The following SCMH1 variants were observed in gnomAD, a reference collection of about 807,000 sequenced individuals.
The protein encoded by SCMH1 is polycomb protein SCMH1.
In SCMH1, 37 loss-of-function variants were observed where a neutral mutation model predicts 70.8. The ratio of observed to expected loss-of-function variants is 0.52; its 90% CI spans 0.40 to 0.69. The LOEUF is 0.69. SCMH1 is among the 30% of genes least tolerant of loss of function. The pLI is 0.00. For synonymous variants in SCMH1, 292 were observed against 307.4 expected (o/e 0.95, Z 0.52); for missense variants, 607 against 827.3 (o/e 0.73, Z 3.27).
intron 2 of SCMH1, among the ~76,000 whole-genome samples, chr1:41,177,881 C>T (rs1366093819): frequency 6.6e-6 from 1 of 152,152 alleles, no homozygotes; most frequent in East Asian, 1.9e-4. Flanking sequence ...TCAGGAAATA[C>T]AGAGAATGCC....
chr1:41,196,773 T>C (rs1653116797), intron 1 of SCMH1, among the ~76,000 whole-genome samples: 5 of 152,140 alleles, frequency 3.3e-5, no homozygotes, highest in Admixed American at 2.6e-4. Flanking sequence ...GTCCACAGAA[T>C]CGGAGACAAT....
chr1:41,059,648 G>A (rs903334770), intron 10 of SCMH1, among the ~76,000 whole-genome samples: 8 of 152,200 alleles, frequency 5.3e-5, no homozygotes, highest in Admixed American at 2.6e-4. Context: ...AGGGCACTGA[G>A]CTGGTTTACA....
intron 5 of SCMH1, among the ~76,000 whole-genome samples, chr1:41,143,606 A>C (rs1448797971): frequency 1.3e-5 from 2 of 152,164 alleles, no homozygotes; most frequent in Non-Finnish European, 2.9e-5. Context: ...TAAACTATAC[A>C]CTTTAGTAAG....
chr1:41,241,342 T>C (rs1663480181), intron 1 of SCMH1, among the ~76,000 whole-genome samples: 1 of 152,244 alleles, frequency 6.6e-6, no homozygotes, highest in South Asian at 2.1e-4. Flanking sequence ...CCCACGTGTC[T>C]GGCCCCCAGG....
intron 1 of SCMH1, among the ~76,000 whole-genome samples, chr1:41,186,810 A>G (rs1249445676): frequency 6.6e-6 from 1 of 152,226 alleles, no homozygotes; most frequent in East Asian, 1.9e-4. Flanking sequence ...GGTGTCATCT[A>G]TAAGCTAAGG....
chr1:41,188,364 A>C (rs1650815574), intron 1 of SCMH1, among the ~76,000 whole-genome samples: 2 of 152,168 alleles, frequency 1.3e-5, no homozygotes, highest in Admixed American at 6.5e-5. Context: ...TCCTGACCTC[A>C]AGAATCTGCC....
intron 8 of SCMH1, among the ~76,000 whole-genome samples, chr1:41,081,463 C>T (rs1053720540): frequency 6.6e-6 from 1 of 152,182 alleles, no homozygotes; most frequent in African/African-American, 2.4e-5. Flanking sequence ...TGAATAACAG[C>T]AAAGCTGGAG....
chr1:41,145,226 A>T (rs916572031), intron 5 of SCMH1, among the ~76,000 whole-genome samples: 13 of 152,096 alleles, frequency 8.5e-5, no homozygotes, highest in Non-Finnish European at 1.5e-5. Context: ...TAGGTCCATG[A>T]TCCACTTGAA....
chr1:41,147,891 T>G (rs1644726802), intron 5 of SCMH1, among the ~76,000 whole-genome samples: 1 of 152,158 alleles, frequency 6.6e-6, no homozygotes, highest in Non-Finnish European at 1.5e-5. Context: ...TTTCCAATCA[T>G]AGCAAGCTCG....
intron 8 of SCMH1, among the ~76,000 whole-genome samples, chr1:41,106,815 G>A (rs1668050446): frequency 1.3e-5 from 2 of 151,604 alleles, no homozygotes; most frequent in Admixed American, 6.6e-5. Context: ...TCAGCCTCCC[G>A]AGTAGCAGGG....
chr1:41,201,888 C>A lies in SCMH1; in HGVS notation c.-117-15638G>T, dbSNP rs972730681. Among the ~76,000 whole-genome samples, 8 of 152,244 alleles carry A rather than the reference C, an allele frequency of 5.3e-5. No individual in the cohort carries two copies. The East Asian group carries it at 5.8e-4, about 11-fold the overall frequency. ...AATAGTGCTCAGTATTTACTAGGAA[C>A]CTTCTTCATGCCAACTCCTGAGAAT... On this transcript the variant is annotated intron_variant, in intron 1 of 14. Coordinates refer to ENST00000337495, the Ensembl canonical transcript of SCMH1.
intron 8 of SCMH1, among the ~76,000 whole-genome samples, chr1:41,095,804 T>G (rs1185104519): frequency 6.6e-6 from 1 of 152,204 alleles, no homozygotes; most frequent in Non-Finnish European, 1.5e-5. Flanking sequence ...AATGCTTAAG[T>G]AAGTTTATCA....
intron 6 of SCMH1, among the ~76,000 whole-genome samples, chr1:41,129,875 G>A (rs1041317707): frequency 1.4e-4 from 21 of 152,162 alleles, no homozygotes; most frequent in African/African-American, 4.8e-4. Context: ...TCCTGCCTCA[G>A]CCTTCCAGGT....
chr1:41,215,730 T>A (rs943992018), intron 1 of SCMH1, among the ~76,000 whole-genome samples: 1 of 152,190 alleles, frequency 6.6e-6, no homozygotes, highest in African/African-American at 2.4e-5. Context: ...CCCATACTTA[T>A]GGCATTTAAA....
chr1:41,104,220 A>G (rs1179146825), intron 8 of SCMH1, among the ~76,000 whole-genome samples: 1 of 152,210 alleles, frequency 6.6e-6, no homozygotes, highest in East Asian at 1.9e-4. Context: ...TATAACCTCC[A>G]GTGAACCTAG....
At chr1:41,052,419 C>T (rs567283250) in intron 10 of SCMH1, among the ~76,000 whole-genome samples, 3 of 152,342 alleles carry the variant, frequency 2.0e-5, no homozygotes, top group Non-Finnish European at 4.4e-5. Context: ...GGCTGATGAT[C>T]TGAGATGGAA....
At chr1:41,132,802 C>A in intron 6 of SCMH1, among the ~76,000 whole-genome samples, 1 of 152,154 alleles carries the variant, frequency 6.6e-6, no homozygotes, top group South Asian at 2.1e-4. Context: ...ATAGGGAATC[C>A]TTTCCCCATT....
intron 2 of SCMH1, among the ~76,000 whole-genome samples, chr1:41,182,016 G>A (rs1233304938): frequency 6.6e-6 from 1 of 152,162 alleles, no homozygotes; most frequent in Non-Finnish European, 1.5e-5. Flanking sequence ...ATACTATGCA[G>A]TCATAAAAAA....
rs143058003 is a variant in SCMH1 at position 41,113,482 on chromosome 1, C to T, written c.546G>A (p.Lys182=). The change falls in exon 8 of 15, where the codon AAG becomes AAA. Residue 182 remains lysine (K), a synonymous_variant. Transcript: ENST00000337495. This position sits in a 1 kb window ranked among gnomAD's most constrained non-coding sequence, Gnocchi z 4.3. ...GGTTCTTCCTGTCCACAGCTTCTAG[C>T]TTCATTCCCATTTTGAAGAAGTTGT... 572 of 1,614,028 alleles carry T rather than the reference C, an allele frequency of 3.5e-4. 2 individuals carry two copies. Among genetic ancestry groups the T allele is most frequent in the Non-Finnish European group, 4.6e-4 (539 of 1,179,958 alleles).
Sources: allele counts gnomAD v4.1 joint callset (sites outside exome capture counted in the v4.1 genomes callset), GRCh38; gene constraint gnomAD v4.1.1; non-coding constraint Gnocchi (gnomAD v3.1); transcripts MANE v1.5; gene names NCBI Gene and HGNC (gene_info 2026-07-23, HGNC 2026-07-21).